BROX: variants seen among roughly 807,000 people sequenced by gnomAD.
The protein encoded by BROX is BRO1 domain-containing protein BROX.
In BROX, 53 loss-of-function variants were observed where a neutral mutation model predicts 61.0. That is an observed-to-expected ratio of 0.87 (90% CI 0.70 to 1.09). The LOEUF is 1.09. Ranked by LOEUF, BROX falls within the 50% of genes least tolerant of loss-of-function variation. The pLI, the probability that BROX is intolerant of heterozygous loss-of-function variation, is 0.00. For synonymous variants in BROX, 152 were observed against 160.2 expected (o/e 0.95, Z 0.38); for missense variants, 489 against 472.0 (o/e 1.04, Z -0.33).
rs1277226955 is a variant in BROX, at chr1:222,733,734, A to G, written c.*1020A>G. 1 of 152,218 alleles carries G rather than the reference A, an allele frequency of 6.6e-6. No homozygotes were observed. Among genetic ancestry groups the G allele is most frequent in the Non-Finnish European group, 1.5e-5 (1 of 68,036 alleles). 9.4% of individuals were successfully genotyped at this position (152,218 alleles called of 1,614,324 possible). A position where few individuals can be genotyped will look rare whatever the true frequency, so the allele number is the denominator to read the frequency against. On this transcript the variant is annotated 3_prime_UTR_variant, in exon 13 of 13. Coordinates refer to ENST00000340934, the MANE Select transcript of BROX (RefSeq NM_144695.4). ...TCAGTAACCCTGCAATGATTTTTACAAATATCTTTTTCTAGTGGGTTTTTT... is the reference window on the plus strand; with the variant it reads ...TCAGTAACCCTGCAATGATTTTTACGAATATCTTTTTCTAGTGGGTTTTTT...
At chr1:222,727,020 A>G (rs939082397) in intron 7 of BROX, 148 bp from the exon 8 acceptor site, 1 of 573,564 alleles carries the variant, frequency 1.7e-6, no homozygotes, top group Non-Finnish European at 3.0e-6. Context: ...TAATGTTTGC[A>G]TTTTCTATAA....
chr1:222,712,630 T>G lies in BROX; in HGVS notation c.-329T>G. On this transcript the variant is annotated 5_prime_UTR_variant, in exon 1 of 13. Transcript: ENST00000340934. ...CGGCTCCGGAGGTAGGGGCAACTCT[T>G]CTCTTCCTGTCTGGGAAAAAGACCA... 1 of 1,324,550 alleles carries G rather than the reference T, an allele frequency of 7.5e-7. No individual in the cohort carries two copies. Among genetic ancestry groups the G allele is most frequent in the Non-Finnish European group, 9.9e-7 (1 of 1,012,716 alleles). The allele number at this position is 1,324,550 out of a possible 1,614,324, so 82.0% of individuals were successfully genotyped here.
chr1:222,716,501 AAAGTAC>A (rs1656626905), intron 2 of BROX, among the ~76,000 whole-genome samples: 1 of 152,236 alleles, frequency 6.6e-6, no homozygotes, highest in South Asian at 2.1e-4. Context: ...CACACAGGAA[AAAGTAC>A]TTGAGATAGG....
chr1:222,713,013 G>T (rs781120398), intron 1 of BROX, 71 bp downstream of exon 1: 1 of 1,167,772 alleles, frequency 8.6e-7, no homozygotes. Context: ...CAAGCAATAG[G>T]ATCACCCCCT....
At chr1:222,713,019 C>A in intron 1 of BROX, 77 bp downstream of exon 1, 5 of 1,166,224 alleles carry the variant, frequency 4.3e-6, no homozygotes, top group East Asian at 6.2e-5. Context: ...ATAGGATCAC[C>A]CCCTTTTACA....
rs1422454310 is a variant in BROX, at chr1:222,712,780, A to T, written c.-179A>T. The T allele has an allele frequency of 7.8e-7, 1 of 1,289,336 alleles. No homozygotes were observed. The highest frequency in any genetic ancestry group is 1.0e-6 in the Non-Finnish European group (1 of 988,852). The allele number at this position is 1,289,336 out of a possible 1,614,324, so 79.9% of individuals were successfully genotyped here. ...GCGCACTACCGCCTCGGTAGCTATCATGGCCGCCGGGTCACGTGACTCCGG... is the reference window on the plus strand; with the variant it reads ...GCGCACTACCGCCTCGGTAGCTATCTTGGCCGCCGGGTCACGTGACTCCGG... On this transcript the variant is annotated 5_prime_UTR_variant, in exon 1 of 13. The change abolishes an upstream ATG in the 5' untranslated region. Transcript: ENST00000340934.
At chr1:222,713,290 AG>A in intron 1 of BROX, 3 of 985,984 alleles carry the variant, frequency 3.0e-6, no homozygotes, top group Non-Finnish European at 2.4e-6. Flanking sequence ...GTTTGGAAAG[AG>A]GGGAACTCAA....
chr1:222,721,830 C>G (rs912089746), intron 4 of BROX, among the ~76,000 whole-genome samples: 1 of 152,108 alleles, frequency 6.6e-6, no homozygotes, highest in Middle Eastern at 3.2e-3. Flanking sequence ...ACCTTCTGCT[C>G]CAGTCAAGCT....
In BROX at chr1:222,719,287, C is replaced by G. The variant is rs951510653; in HGVS notation, c.233C>G (p.Ser78Cys). ...LQGFINSLDESTQESKLRYIQ... is the reference protein window; with the variant it reads ...LQGFINSLDECTQESKLRYIQ... The stretch of plus-strand genomic sequence containing the variant: ...GGTTTCATAAATTCTTTGGATGAAT[C>G]TACCCAAGAAAGCAAGTTACGATAT... The change falls in exon 4 of 13, where the codon TCT (serine) becomes TGT (cysteine). Residue 78 changes from serine to cysteine, a missense_variant. Ser to Cys is a moderately radical substitution (Grantham distance 112). Coordinates refer to ENST00000340934, the MANE Select transcript of BROX (RefSeq NM_144695.4). The G allele has an allele frequency of 3.7e-6, 6 of 1,600,886 alleles. No individual in the cohort carries two copies. The highest frequency in any genetic ancestry group is 4.3e-6 in the Non-Finnish European group (5 of 1,168,176).
At chr1:222,714,574 TG>T (rs149754392) in intron 1 of BROX, among the ~76,000 whole-genome samples, 1,810 of 148,750 alleles carry the variant, frequency 0.012, 46 homozygotes, top group African/African-American at 0.043. Context: ...TCCAAGTTTT[TG>T]TTTTTTGTTT....
intron 8 of BROX, among the ~76,000 whole-genome samples, chr1:222,727,834 A>G (rs2125034190): frequency 6.6e-6 from 1 of 152,304 alleles, no homozygotes; most frequent in South Asian, 2.1e-4. Flanking sequence ...CATGCTAAAG[A>G]AGGACTCTAG....
chr1:222,715,669 C>T lies in BROX; in HGVS notation c.-16-15C>T. 2 of 1,281,250 alleles carry T rather than the reference C, an allele frequency of 1.6e-6. No homozygotes were observed. Among genetic ancestry groups the T allele is most frequent in the Non-Finnish European group, 1.0e-6 (1 of 959,364 alleles). The allele number at this position is 1,281,250 out of a possible 1,614,324, so 79.4% of individuals were successfully genotyped here. On this transcript the variant is annotated splice_polypyrimidine_tract_variant and intron_variant, in intron 1 of 12. Transcript: ENST00000340934. ...ATATTTAATTTTTGTATATTTTTTACTTTTTTGTCTATAGAAAACATCTGG... is the reference window on the plus strand; with the variant it reads ...ATATTTAATTTTTGTATATTTTTTATTTTTTTGTCTATAGAAAACATCTGG...
intron 3 of BROX, 103 bp downstream of exon 3, chr1:222,719,134 T>G (rs903013176): frequency 2.3e-6 from 3 of 1,290,932 alleles, no homozygotes; most frequent in South Asian, 1.3e-5. Context: ...TTCCAGACTG[T>G]ATTCTTTGGA....
At chr1:222,727,055 A>G in intron 7 of BROX, 113 bp from the exon 8 acceptor site, 1 of 758,976 alleles carries the variant, frequency 1.3e-6, no homozygotes, top group Non-Finnish European at 2.2e-6. Context: ...ACGTTTAACA[A>G]ACTGTATTAA....
Position 222,730,032 on chromosome 1 carries a change from G to A in BROX, c.844G>A (p.Ala282Thr). ...RSLQEAEKLY[A>T]KAEALCKEYG... The stretch of plus-strand genomic sequence containing the variant: ...TAAATCTCTTTCACATGCAGTGTAT[G>A]CAAAGGCAGAAGCACTGTGTAAAGA... The change falls in exon 11 of 13, where the codon GCA becomes ACA. Residue 282 changes from alanine (A) to threonine (T), a missense_variant. Ala to Thr is a moderately conservative substitution (Grantham distance 58, BLOSUM62 0). Transcript: ENST00000340934. 1.2e-6 allele frequency: 2 copies of A among 1,602,332 alleles called. No homozygotes were observed. The highest frequency in any genetic ancestry group is 1.7e-6 in the Non-Finnish European group (2 of 1,176,240).
At chr1:222,713,501 A>G in intron 1 of BROX, 1 of 930,906 alleles carries the variant, frequency 1.1e-6, no homozygotes. Flanking sequence ...GTGTTAGCTT[A>G]CAGCTTCGAT....
chr1:222,715,487 C>A (rs1300409702), intron 1 of BROX, among the ~76,000 whole-genome samples, 197 bp from the exon 2 acceptor site: 1 of 152,156 alleles, frequency 6.6e-6, no homozygotes, highest in Admixed American at 6.5e-5. Context: ...GCGGGTGGAT[C>A]ACTTGAGGTC....
chr1:222,719,937 C>A (rs1047397915), intron 4 of BROX, among the ~76,000 whole-genome samples: 1 of 152,180 alleles, frequency 6.6e-6, no homozygotes, highest in Non-Finnish European at 1.5e-5. Flanking sequence ...TTTTTACTTA[C>A]CTACTGTTTT....
At chr1:222,730,844 ATT>A (rs1657881059) in intron 11 of BROX, among the ~76,000 whole-genome samples, 1 of 151,962 alleles carries the variant, frequency 6.6e-6, no homozygotes, top group Admixed American at 6.6e-5. Context: ...TCCTTTGCAT[ATT>A]CGTCTCACTC....
Sources: gnomAD v4.1 joint callset for allele counts (sites outside exome capture counted in the v4.1 genomes callset) on GRCh38, gnomAD v4.1.1 for gene constraint, MANE v1.5 for transcripts, NCBI Gene and HGNC (gene_info 2026-07-23, HGNC 2026-07-21) for gene names.